The following COL24A1 variants were observed in gnomAD, a reference collection of about 807,000 sequenced individuals.
COL24A1 encodes the protein collagen type XXIV alpha 1 chain.
Under a neutral mutation model 253.9 loss-of-function variants are expected in COL24A1, and 224 were observed. The ratio of observed to expected loss-of-function variants is 0.88; its 90% CI spans 0.79 to 0.99. The LOEUF is 0.99. COL24A1 is among the 50% of genes least tolerant of loss of function. COL24A1 has a pLI of 0.00. For missense variants in COL24A1, 2,131 were observed against 2,068.5 expected, an observed-to-expected ratio of 1.03 and a Z score of -0.59; for synonymous variants, 685 against 673.7, an observed-to-expected ratio of 1.02 and a Z score of -0.26.
chr1:85,970,226 C>A lies in COL24A1; in HGVS notation c.2463+1G>T. ...TGGAAAATTATTTATATGATACCTA[C>A]TCTTGGCCCCAGTTCCCCAAAGGCT... On this transcript the variant is annotated splice_donor_variant, in intron 22 of 59. Coordinates refer to ENST00000370571, the MANE Select transcript of COL24A1 (RefSeq NM_152890.7). LOFTEE classifies it high-confidence loss of function. 1 of 1,589,988 alleles carries A rather than the reference C, an allele frequency of 6.3e-7. No homozygotes were observed. Among genetic ancestry groups the A allele is most frequent in the Non-Finnish European group, 8.6e-7 (1 of 1,169,444 alleles).
At chr1:85,734,120 C>T (rs1407486888) in intron 59 of COL24A1, among the ~76,000 whole-genome samples, 1 of 151,840 alleles carries the variant, frequency 6.6e-6, no homozygotes, top group African/African-American at 2.4e-5. Context: ...CCAGGCTGGT[C>T]TTGAATTCTT....
chr1:86,103,632 G>T (rs1189198579), intron 5 of COL24A1, among the ~76,000 whole-genome samples: 1 of 152,062 alleles, frequency 6.6e-6, no homozygotes, highest in East Asian at 1.9e-4. Context: ...TTTCTCCTTT[G>T]CTTACAAAGC....
chr1:85,794,579 G>A (rs1033534119), intron 47 of COL24A1, among the ~76,000 whole-genome samples: 1 of 152,088 alleles, frequency 6.6e-6, no homozygotes, highest in African/African-American at 2.4e-5. Context: ...TCTGTTCAAC[G>A]TTCCAAACAA....
rs749679135 is a variant in COL24A1, at chr1:85,781,263, C to T, written c.4295G>A (p.Gly1432Asp). The change falls in exon 52 of 60, where the codon GGT becomes GAT. Residue 1432 changes from glycine to aspartate, a missense_variant. By Grantham distance (94) the Gly-to-Asp change is moderately conservative. Coordinates refer to ENST00000370571, the MANE Select transcript of COL24A1 (RefSeq NM_152890.7). ...KGPIGHRGNTGPLGREGIIGP... is the reference protein window; with the variant it reads ...KGPIGHRGNTDPLGREGIIGP... ...TATTATACCTTCTCTGCCAAGGGGA[C>T]CAGTGTTTCCCTGTTGAGGTAAAAG... is the stretch of plus-strand genomic sequence containing the variant. 1.2e-6 allele frequency: 2 copies of T among 1,603,894 alleles called. No homozygotes were observed. The highest frequency in any genetic ancestry group is 1.7e-5 in the Admixed American group (1 of 58,910).
chr1:85,996,684 C>T (rs1571528480), intron 19 of COL24A1, among the ~76,000 whole-genome samples: 1 of 152,114 alleles, frequency 6.6e-6, no homozygotes, highest in East Asian at 1.9e-4. Context: ...TATAAATTAA[C>T]TTAGTCAAGA....
chr1:85,942,825 A>T (rs1406401885), intron 24 of COL24A1, among the ~76,000 whole-genome samples: 2 of 152,102 alleles, frequency 1.3e-5, no homozygotes, highest in African/African-American at 4.8e-5. Context: ...TACTGTCTTT[A>T]TTTGGAAATT....
chr1:86,034,009 A>T, intron 12 of COL24A1, 86 bp from the exon 13 acceptor site: 2 of 1,034,032 alleles, frequency 1.9e-6, no homozygotes, highest in East Asian at 3.0e-5. Flanking sequence ...AGTAATAGAA[A>T]ATATTAATTT....
intron 7 of COL24A1, among the ~76,000 whole-genome samples, chr1:86,084,514 C>T (rs533628369): frequency 1.3e-5 from 2 of 152,276 alleles, no homozygotes; most frequent in African/African-American, 4.8e-5. Flanking sequence ...TTGGCTTTTT[C>T]CTTGGTCCCA....
At chr1:86,027,627 G>A (rs1698162763) in intron 14 of COL24A1, among the ~76,000 whole-genome samples, 1 of 152,174 alleles carries the variant, frequency 6.6e-6, no homozygotes, top group African/African-American at 2.4e-5. Flanking sequence ...GGATGTCCAG[G>A]CAGAAGTTTG....
At chr1:85,829,715 G>C (rs911085953) in intron 43 of COL24A1, among the ~76,000 whole-genome samples, 317 of 151,922 alleles carry the variant, frequency 2.1e-3, no homozygotes, top group African/African-American at 7.3e-3. Flanking sequence ...TTGATCGCAT[G>C]GCCTCCTGAG....
intron 7 of COL24A1, among the ~76,000 whole-genome samples, chr1:86,070,000 CT>C (rs879337945): frequency 6.6e-6 from 1 of 152,178 alleles, no homozygotes; most frequent in Non-Finnish European, 1.5e-5. Flanking sequence ...GGGGCCAATT[CT>C]TGAGAAACAG....
At chr1:85,945,096 C>T (rs1689206673) in intron 24 of COL24A1, among the ~76,000 whole-genome samples, 1 of 135,354 alleles carries the variant, frequency 7.4e-6, no homozygotes, top group Non-Finnish European at 1.5e-5. Context: ...CGGCTCACTG[C>T]AACCTCTGCC....
At chr1:85,937,210 C>T (rs1417906893) in intron 24 of COL24A1, among the ~76,000 whole-genome samples, 1 of 147,724 alleles carries the variant, frequency 6.8e-6, no homozygotes, top group Non-Finnish European at 1.5e-5. Flanking sequence ...GCTACAGCTT[C>T]ACCCAGAAGT....
chr1:85,936,502 T>C (rs7526013), intron 24 of COL24A1, among the ~76,000 whole-genome samples: 54,280 of 146,232 alleles, frequency 0.37, 14,195 homozygotes, highest in East Asian at 0.67. Flanking sequence ...GTGGATCTGA[T>C]TGCACAGGTA....
intron 47 of COL24A1, among the ~76,000 whole-genome samples, chr1:85,800,344 A>G (rs1671295300): frequency 6.6e-6 from 1 of 152,180 alleles, no homozygotes; most frequent in Non-Finnish European, 1.5e-5. Flanking sequence ...TCTCCTCAGG[A>G]ACGTCAATCC....
chr1:85,999,184 A>AT (rs1166176635), intron 19 of COL24A1, among the ~76,000 whole-genome samples: 4 of 152,188 alleles, frequency 2.6e-5, no homozygotes, highest in Admixed American at 6.5e-5. Flanking sequence ...ACCAGGCAAT[A>AT]AATGGTCCTC....
intron 8 of COL24A1, among the ~76,000 whole-genome samples, chr1:86,062,295 C>A (rs1701147591): frequency 6.6e-6 from 1 of 152,004 alleles, no homozygotes; most frequent in South Asian, 2.1e-4. Context: ...AGACAAATGT[C>A]TTCCAGCAAG....
At chr1:85,777,358 C>A (rs1317759442) in intron 52 of COL24A1, among the ~76,000 whole-genome samples, 1 of 152,042 alleles carries the variant, frequency 6.6e-6, no homozygotes, top group Non-Finnish European at 1.5e-5. Flanking sequence ...TTTTTCTAAT[C>A]AAATATTGAC....
intron 43 of COL24A1, 113 bp from the exon 44 acceptor site, chr1:85,823,851 C>G: frequency 1.1e-6 from 1 of 896,820 alleles, no homozygotes; most frequent in East Asian, 2.4e-5. Flanking sequence ...ACTTAAATGT[C>G]GTAGAGATTA....
Sources: gnomAD v4.1 joint callset for allele counts (sites outside exome capture counted in the v4.1 genomes callset) on GRCh38, gnomAD v4.1.1 for gene constraint, MANE v1.5 for transcripts, NCBI Gene and HGNC (gene_info 2026-07-23, HGNC 2026-07-21) for gene names.